HSPB8: variants seen among roughly 807,000 people sequenced by gnomAD.
HSPB8 encodes the protein heat shock protein family B (small) member 8, also known as heat shock protein beta-8.
Under a neutral mutation model 16.5 loss-of-function variants are expected in HSPB8, and 9 were observed. The observed-to-expected ratio is 0.55, with a 90% CI of 0.33 to 0.95. The LOEUF (loss-of-function observed/expected upper bound fraction) is 0.95. Ranked by LOEUF, HSPB8 falls within the 40% of genes least tolerant of loss-of-function variation. The probability of loss-of-function intolerance (pLI) is 0.03; values close to 1 mark genes in which losing one functional copy is unlikely to be tolerated. For synonymous variants in HSPB8, 99 were observed against 94.8 expected (o/e 1.04, Z -0.26); for missense variants, 238 against 251.2 (o/e 0.95, Z 0.35).
chr12:119,193,879 C>T lies in HSPB8; in HGVS notation c.*21C>T. The T allele has an allele frequency of 1.6e-5, 26 of 1,613,416 alleles. No homozygotes were observed. The highest frequency in any genetic ancestry group is 2.2e-5 in the Non-Finnish European group (26 of 1,179,452). On this transcript the variant is annotated 3_prime_UTR_variant, in exon 3 of 3. Coordinates refer to ENST00000281938, the MANE Select transcript of HSPB8 (RefSeq NM_014365.3). Reference sequence around the variant, plus strand: ...CCTGAGATGCCAGTACTGGCCCATCCTTGTTTTGTCCCCAACCCTAGGGCT... The same window carrying T: ...CCTGAGATGCCAGTACTGGCCCATCTTTGTTTTGTCCCCAACCCTAGGGCT...
intron 1 of HSPB8, chr12:119,182,122 C>T (rs1954641940): frequency 6.6e-6 from 1 of 152,124 alleles, no homozygotes; most frequent in African/African-American, 2.4e-5. Flanking sequence ...GAGATCTCAG[C>T]TAAGTATCTT....
intron 2 of HSPB8, among the ~76,000 whole-genome samples, chr12:119,190,885 C>T (rs932009748): frequency 2.0e-5 from 3 of 152,216 alleles, no homozygotes; most frequent in Non-Finnish European, 4.4e-5. Flanking sequence ...GACATTCCTT[C>T]AGATGTAAGT....
chr12:119,188,129 C>T (rs905083445), intron 2 of HSPB8, among the ~76,000 whole-genome samples: 18 of 152,234 alleles, frequency 1.2e-4, no homozygotes, highest in Admixed American at 5.2e-4. Context: ...AGTGTGGTCA[C>T]GATGGCTGCA....
chr12:119,190,298 C>T (rs1954704654), intron 2 of HSPB8, among the ~76,000 whole-genome samples: 1 of 152,176 alleles, frequency 6.6e-6, no homozygotes, highest in Admixed American at 6.5e-5. Flanking sequence ...TCTCAGGAGT[C>T]CTCGTTGCCT....
At chr12:119,190,724 T>C (rs1954707409) in intron 2 of HSPB8, among the ~76,000 whole-genome samples, 1 of 152,200 alleles carries the variant, frequency 6.6e-6, no homozygotes, top group African/African-American at 2.4e-5. Flanking sequence ...AGGAAAGCGA[T>C]CATGAAATAA....
chr12:119,184,784 G>A (rs1954663741), intron 1 of HSPB8, among the ~76,000 whole-genome samples: 1 of 152,138 alleles, frequency 6.6e-6, no homozygotes, highest in Admixed American at 6.5e-5. Context: ...GAATGTTCAG[G>A]GCCACGAAGT....
At chr12:119,191,874 C>T (rs916104181) in intron 2 of HSPB8, among the ~76,000 whole-genome samples, 4 of 152,084 alleles carry the variant, frequency 2.6e-5, no homozygotes, top group Non-Finnish European at 4.4e-5. Flanking sequence ...TGCCATTTGC[C>T]AGCTGAGCAA....
chr12:119,185,029 T>C (rs1954665803), intron 1 of HSPB8, among the ~76,000 whole-genome samples: 1 of 152,186 alleles, frequency 6.6e-6, no homozygotes, highest in South Asian at 2.1e-4. Context: ...CTATGTAACA[T>C]TTACACATTT....
In HSPB8 at chr12:119,187,003, G is replaced by A. The variant is rs750727589; in HGVS notation, c.368-22G>A. 7.4e-6 allele frequency: 12 copies of A among 1,612,552 alleles called. No homozygotes were observed. In the Admixed American group the frequency reaches 1.0e-4, roughly 13 times the overall value. On this transcript the variant is annotated intron_variant, in intron 1 of 2. Transcript: ENST00000281938. ...GCCCAAGGAACATAGATGCTGACAC[G>A]CCACACTTTTCTTCCTTCCAGGCAA...
intron 1 of HSPB8, among the ~76,000 whole-genome samples, chr12:119,184,002 A>G (rs1954656242): frequency 6.6e-6 from 1 of 152,208 alleles, no homozygotes; most frequent in African/African-American, 2.4e-5. Context: ...TAACCCGGTA[A>G]GATAGGTGTC....
chr12:119,178,967 T>G lies in HSPB8; in HGVS notation c.-346T>G. The G allele has an allele frequency of 2.6e-6, 1 of 388,826 alleles. No homozygotes were observed. Among genetic ancestry groups the G allele is most frequent in the South Asian group, 2.6e-5 (1 of 38,244 alleles). The allele number at this position is 388,826 out of a possible 1,614,324, so 24.1% of individuals were successfully genotyped here. ...CTAGGCGCGCGTGCCCTGGGTTTAT[T>G]AAGCTCCTGGCTCCGCTCTAGACCT... On this transcript the variant is annotated 5_prime_UTR_variant, in exon 1 of 3. In the 5' UTR this introduces an upstream ATG that the reference lacks. Coordinates refer to ENST00000281938, the MANE Select transcript of HSPB8 (RefSeq NM_014365.3).
At chr12:119,179,709 G>A in intron 1 of HSPB8, 30 bp downstream of exon 1, 1 of 1,547,680 alleles carries the variant, frequency 6.5e-7, no homozygotes, top group Non-Finnish European at 8.7e-7. Flanking sequence ...GAGAGAGAAT[G>A]GGGAGGCCGG....
intron 1 of HSPB8, 69 bp from the exon 2 acceptor site, chr12:119,186,956 C>G (rs2136083598): frequency 1.4e-6 from 2 of 1,475,262 alleles, no homozygotes; most frequent in Non-Finnish European, 1.9e-6. Context: ...GGATTTGAAC[C>G]CAAGCCTCAG....
At chr12:119,180,498 T>A (rs961771573) in intron 1 of HSPB8, among the ~76,000 whole-genome samples, 1 of 152,130 alleles carries the variant, frequency 6.6e-6, no homozygotes. Flanking sequence ...GGTAGGCCCA[T>A]CTTGCAGCTG....
At chr12:119,188,313 G>A (rs964252575) in intron 2 of HSPB8, among the ~76,000 whole-genome samples, 2 of 146,050 alleles carry the variant, frequency 1.4e-5, no homozygotes, top group South Asian at 4.3e-4. Flanking sequence ...GTGGCACGAT[G>A]TCAGCTCACT....
At chr12:119,182,443 A>G (rs1403706496) in intron 1 of HSPB8, among the ~76,000 whole-genome samples, 2 of 152,086 alleles carry the variant, frequency 1.3e-5, no homozygotes, top group Non-Finnish European at 2.9e-5. Context: ...GTCTGAGACC[A>G]GTCTGGTCAA....
intron 1 of HSPB8, among the ~76,000 whole-genome samples, chr12:119,181,874 C>T (rs531699270): frequency 2.0e-5 from 3 of 152,232 alleles, no homozygotes; most frequent in South Asian, 4.2e-4. Context: ...ATAATATATG[C>T]GGAGTGTCTA....
Position 119,193,944 on chromosome 12 carries a change from T to G in HSPB8, c.*86T>G, listed in dbSNP as rs930151393. ...ATACATTACTTTAGCTGAACTCAGA[T>G]TTAGTGCAAGTAAAATGTTAGAGGG... is the stretch of plus-strand genomic sequence containing the variant. On this transcript the variant is annotated 3_prime_UTR_variant, in exon 3 of 3. Transcript: ENST00000281938. The G allele has an allele frequency of 6.2e-6, 9 of 1,449,510 alleles. No homozygotes were observed. Among genetic ancestry groups the G allele is most frequent in the Non-Finnish European group, 7.7e-6 (8 of 1,032,626 alleles). 89.8% of individuals were successfully genotyped at this position (1,449,510 alleles called of 1,614,324 possible). A position where few individuals can be genotyped will look rare whatever the true frequency, so the allele number is the denominator to read the frequency against.
chr12:119,186,692 AC>A, intron 1 of HSPB8: 1 of 340,064 alleles, frequency 2.9e-6, no homozygotes, highest in Non-Finnish European at 5.6e-6. Context: ...CAGGTGGGAG[AC>A]TTGGAAGATT....
Sources: gnomAD v4.1 joint callset for allele counts (sites outside exome capture counted in the v4.1 genomes callset) on GRCh38, gnomAD v4.1.1 for gene constraint, MANE v1.5 for transcripts, NCBI Gene and HGNC (gene_info 2026-07-23, HGNC 2026-07-21) for gene names.